L3MBTL4: variants seen among roughly 807,000 people sequenced by gnomAD.
The protein encoded by L3MBTL4 is L3MBTL histone methyl-lysine binding protein 4, also known as lethal(3)malignant brain tumor-like protein 4.
L3MBTL4 carries 70 observed loss-of-function variants against 84.5 expected under a neutral mutation model. The observed-to-expected ratio is 0.83, with a 90% CI of 0.68 to 1.01. The LOEUF (loss-of-function observed/expected upper bound fraction) is 1.01, where lower values mean the gene tolerates loss of function less well. Ranked by LOEUF, L3MBTL4 falls within the 50% of genes least tolerant of loss-of-function variation. L3MBTL4 has a pLI of 0.00. For missense variants in L3MBTL4, 715 were observed against 754.8 expected, an observed-to-expected ratio of 0.95 and a Z score of 0.62; for synonymous variants, 274 against 259.8, an observed-to-expected ratio of 1.05 and a Z score of -0.52.
chr18:6,322,500 A>AGGAG (rs2051472008), intron 1 of L3MBTL4, among the ~76,000 whole-genome samples: 2 of 141,400 alleles, frequency 1.4e-5, no homozygotes, highest in African/African-American at 3.0e-5. Flanking sequence ...GAAGGAAGGA[A>AGGAG]GGAAAGAAGG....
intron 16 of L3MBTL4, among the ~76,000 whole-genome samples, chr18:6,071,420 T>C (rs1568065371): frequency 6.7e-6 from 1 of 150,050 alleles, no homozygotes; most frequent in Non-Finnish European, 1.5e-5. Context: ...ATAGTAGCCC[T>C]AAGTCCAACT....
At position 6,308,685 on chromosome 18, in the gene L3MBTL4, T is replaced by G. The variant is rs992126263; in HGVS notation, c.72+2869A>C. On this transcript the variant is annotated intron_variant, in intron 3 of 18. Coordinates refer to ENST00000317931, the MANE Select transcript of L3MBTL4 (RefSeq NM_001330559.2). ...GCAAGAAGCAGAACAACGAGCAGAA[T>G]GTGCGCCCATTTGGGATGTGTGTAT... Among the ~76,000 whole-genome samples, 3 of 152,182 alleles carry G rather than the reference T, an allele frequency of 2.0e-5. No individual in the cohort carries two copies. The East Asian group carries it at 5.8e-4, about 29-fold the overall frequency.
rs558757897 is a variant in L3MBTL4, at chr18:6,179,117, T to C, written c.982-7175A>G. Among the ~76,000 whole-genome samples, 3 of 152,348 alleles carry C rather than the reference T, an allele frequency of 2.0e-5. No individual in the cohort carries two copies. In the South Asian group the frequency reaches 6.2e-4, roughly 32 times the overall value. ...GAATGCTCAGTCACAATAATTTTAT[T>C]AGCCTAAGTGACTATTACATTGTTT... On this transcript the variant is annotated intron_variant, in intron 12 of 18. Transcript: ENST00000317931.
At chr18:6,152,237 A>T (rs900097854) in intron 13 of L3MBTL4, among the ~76,000 whole-genome samples, 1 of 152,114 alleles carries the variant, frequency 6.6e-6, no homozygotes, top group Non-Finnish European at 1.5e-5. Flanking sequence ...TTTCATTTGG[A>T]TACATACCCA....
intron 1 of L3MBTL4, among the ~76,000 whole-genome samples, chr18:6,351,268 G>A (rs1447580901): frequency 6.6e-6 from 1 of 152,066 alleles, no homozygotes; most frequent in Non-Finnish European, 1.5e-5. Context: ...AGATACTAAA[G>A]AACAAATATT....
chr18:5,960,334 T>G (rs1327693648), intron 17 of L3MBTL4, among the ~76,000 whole-genome samples, 178 bp from the exon 18 acceptor site: 1 of 152,180 alleles, frequency 6.6e-6, no homozygotes, highest in Admixed American at 6.5e-5. Context: ...GCCCCCAGTA[T>G]TTTTTCTGTC....
chr18:6,367,697 T>G (rs918542282), intron 1 of L3MBTL4: 5 of 152,450 alleles, frequency 3.3e-5, no homozygotes, highest in Admixed American at 6.5e-5. Context: ...GATAAAGCAC[T>G]GTGAGGCCAA....
intron 16 of L3MBTL4, among the ~76,000 whole-genome samples, chr18:6,058,012 G>T (rs1224458873): frequency 6.6e-6 from 1 of 152,090 alleles, no homozygotes; most frequent in Non-Finnish European, 1.5e-5. Context: ...TAATCAACAT[G>T]ACTTAACTCA....
chr18:6,031,087 G>A, intron 16 of L3MBTL4: 2 of 985,332 alleles, frequency 2.0e-6, no homozygotes, highest in Admixed American at 6.1e-5. Flanking sequence ...TTAATTATAG[G>A]AAGCTGGGGT....
chr18:6,206,898 A>T (rs943982648), intron 12 of L3MBTL4, among the ~76,000 whole-genome samples: 1 of 152,210 alleles, frequency 6.6e-6, no homozygotes, highest in Admixed American at 6.5e-5. Flanking sequence ...TATTGGAAAA[A>T]ATAAGACAAG....
At chr18:6,206,642 T>C (rs1271066078) in intron 12 of L3MBTL4, among the ~76,000 whole-genome samples, 1 of 152,222 alleles carries the variant, frequency 6.6e-6, no homozygotes, top group African/African-American at 2.4e-5. Flanking sequence ...CTACAGTTCT[T>C]GGAGAATACA....
At position 5,958,053 on chromosome 18, in the gene L3MBTL4, AAGGAGAAGG is replaced by A. The variant is rs1567910979; in HGVS notation, c.1678-1675_1678-1667del. On this transcript the variant is annotated intron_variant, in intron 18 of 18. Transcript: ENST00000317931. ...AGAGGAGGAGGAGGAGGAGAAGGAG[AAGGAGAAGG>A]AGAAGAAGAAGAAGAAGAAGAAGAA... 1.8e-3 allele frequency among the ~76,000 whole-genome samples: 235 copies of A among 128,864 alleles called. 4 individuals are homozygous for A. Among genetic ancestry groups the A allele is most frequent in the African/African-American group, 2.4e-3 (73 of 29,998 alleles). 84.5% of individuals were successfully genotyped at this position (128,864 alleles called of 152,430 possible).
chr18:6,235,355 T>G (rs1397274387), intron 10 of L3MBTL4, among the ~76,000 whole-genome samples: 7 of 152,154 alleles, frequency 4.6e-5, no homozygotes, highest in Non-Finnish European at 1.0e-4. Flanking sequence ...TAAAGACGTA[T>G]GTCCACAGAG....
At chr18:5,957,607 G>A (rs1355381131) in intron 18 of L3MBTL4, among the ~76,000 whole-genome samples, 2 of 151,916 alleles carry the variant, frequency 1.3e-5, no homozygotes, top group Non-Finnish European at 2.9e-5. Context: ...GGTTTTCTAT[G>A]GAAACATTCT....
intron 16 of L3MBTL4, among the ~76,000 whole-genome samples, chr18:6,049,141 G>C (rs975320715): frequency 1.3e-5 from 2 of 152,002 alleles, no homozygotes; most frequent in East Asian, 3.9e-4. Context: ...AAAAAAAAAG[G>C]CAAAATAGAA....
At chr18:6,011,392 A>G (rs1362088679) in intron 16 of L3MBTL4, among the ~76,000 whole-genome samples, 1 of 152,220 alleles carries the variant, frequency 6.6e-6, no homozygotes, top group Non-Finnish European at 1.5e-5. Flanking sequence ...TGGTGAGGCC[A>G]AAGTTTCTGT....
intron 4 of L3MBTL4, among the ~76,000 whole-genome samples, chr18:6,295,452 C>G (rs2050069167): frequency 6.6e-6 from 1 of 151,098 alleles, no homozygotes; most frequent in Non-Finnish European, 1.5e-5. Context: ...CTGATTGACT[C>G]CAGGAAGAAA....
chr18:6,169,943 A>T (rs945592665), intron 13 of L3MBTL4, among the ~76,000 whole-genome samples: 2 of 152,144 alleles, frequency 1.3e-5, no homozygotes, highest in African/African-American at 4.8e-5. Flanking sequence ...TTAATAACTT[A>T]CATAAGAATG....
intron 16 of L3MBTL4, among the ~76,000 whole-genome samples, chr18:5,973,461 A>G (rs2052752366): frequency 6.6e-6 from 1 of 152,256 alleles, no homozygotes; most frequent in Non-Finnish European, 1.5e-5. Context: ...AATTCTGTGC[A>G]TAAAATTACA....
Sources: gnomAD v4.1 joint callset for allele counts (sites outside exome capture counted in the v4.1 genomes callset) on GRCh38, gnomAD v4.1.1 for gene constraint, MANE v1.5 for transcripts, NCBI Gene and HGNC (gene_info 2026-07-23, HGNC 2026-07-21) for gene names.